Variants in C1QTNF7 observed in about 807,000 individuals in gnomAD.
The protein encoded by C1QTNF7 is C1q and TNF related 7, also known as complement C1q tumor necrosis factor-related protein 7.
Under a neutral mutation model 19.6 loss-of-function variants are expected in C1QTNF7, and 15 were observed. The observed-to-expected ratio is 0.76, with a 90% CI of 0.51 to 1.18. The LOEUF (loss-of-function observed/expected upper bound fraction) is 1.18. C1QTNF7 is among the 50% of genes most tolerant of loss of function. The pLI is 0.00. For synonymous variants in C1QTNF7, 142 were observed against 137.5 expected (o/e 1.03, Z -0.23); for missense variants, 324 against 359.7 (o/e 0.90, Z 0.80).
intron 1 of C1QTNF7, chr4:15,374,080 C>T (rs1484106636): frequency 6.6e-6 from 1 of 152,138 alleles, no homozygotes; most frequent in African/African-American, 2.4e-5. Flanking sequence ...CTTAAAAGAT[C>T]GAGAGTCAGA....
At chr4:15,395,796 G>A (rs1718759665) in intron 1 of C1QTNF7, among the ~76,000 whole-genome samples, 1 of 152,118 alleles carries the variant, frequency 6.6e-6, no homozygotes, top group African/African-American at 2.4e-5. Flanking sequence ...ACACATATTA[G>A]TATCACCATT....
chr4:15,359,210 A>G (rs535251329), intron 1 of C1QTNF7, among the ~76,000 whole-genome samples: 1 of 152,040 alleles, frequency 6.6e-6, no homozygotes, highest in East Asian at 1.9e-4. Context: ...GCTCTCACCA[A>G]CCAGTATCCT....
intron 1 of C1QTNF7, among the ~76,000 whole-genome samples, chr4:15,386,540 T>C (rs1450060301): frequency 2.6e-5 from 4 of 151,978 alleles, no homozygotes; most frequent in Non-Finnish European, 5.9e-5. Context: ...TAGATGACCA[T>C]ACAAGTCATG....
chr4:15,421,215 C>G (rs538210025), intron 1 of C1QTNF7, among the ~76,000 whole-genome samples: 1 of 152,010 alleles, frequency 6.6e-6, no homozygotes, highest in Non-Finnish European at 1.5e-5. Context: ...GCTTTTTCTA[C>G]TAAATAATAA....
chr4:15,379,391 T>A (rs561567228), intron 1 of C1QTNF7, among the ~76,000 whole-genome samples: 1 of 152,352 alleles, frequency 6.6e-6, no homozygotes, highest in East Asian at 1.9e-4. Context: ...CACTTACTTT[T>A]ATGACAAATA....
At chr4:15,432,693 C>A (rs759560149) in intron 1 of C1QTNF7, among the ~76,000 whole-genome samples, 3 of 152,204 alleles carry the variant, frequency 2.0e-5, no homozygotes, top group African/African-American at 7.2e-5. Context: ...TCGTGCCCAG[C>A]CTGTTCCTCA....
At chr4:15,356,845 A>C (rs1717162031) in intron 1 of C1QTNF7, among the ~76,000 whole-genome samples, 1 of 151,692 alleles carries the variant, frequency 6.6e-6, no homozygotes, top group Non-Finnish European at 1.5e-5. Flanking sequence ...TTCTCTAATA[A>C]CCAGTGATGA....
intron 1 of C1QTNF7, among the ~76,000 whole-genome samples, chr4:15,350,357 A>AAGGAGGGAGGGAG (rs1716893077): frequency 2.1e-5 from 1 of 48,682 alleles, no homozygotes; most frequent in African/African-American, 1.4e-4. Flanking sequence ...GGAGGGAGGG[A>AAGGAGGGAGGGAG]GGAAGGAAAA....
chr4:15,424,744 G>T (rs985604182), upstream of C1QTNF7, among the ~76,000 whole-genome samples: 1 of 152,080 alleles, frequency 6.6e-6, no homozygotes, highest in African/African-American at 2.4e-5. Context: ...TGAATTTCTA[G>T]CTTTCTTTTA....
At chr4:15,425,300 G>A (rs1161406501), upstream of C1QTNF7, among the ~76,000 whole-genome samples, 1 of 152,146 alleles carries the variant, frequency 6.6e-6, no homozygotes, top group Admixed American at 6.5e-5. Flanking sequence ...TAAAGTGCAT[G>A]GCAGATCCAA....
At chr4:15,406,363 G>C (rs1340156405) in intron 1 of C1QTNF7, among the ~76,000 whole-genome samples, 1 of 152,182 alleles carries the variant, frequency 6.6e-6, no homozygotes, top group Non-Finnish European at 1.5e-5. Context: ...GGGATAACAG[G>C]CTAAGGGTAG....
intron 1 of C1QTNF7, among the ~76,000 whole-genome samples, chr4:15,344,092 A>C (rs1399401698): frequency 6.6e-6 from 1 of 152,218 alleles, no homozygotes; most frequent in Non-Finnish European, 1.5e-5. Flanking sequence ...ATATGAGCAA[A>C]AACACAGGAG....
intron 1 of C1QTNF7, among the ~76,000 whole-genome samples, chr4:15,351,019 G>C (rs1716917542): frequency 6.6e-6 from 1 of 152,130 alleles, no homozygotes. Context: ...ATGCCCTTGG[G>C]CAACTTCTCA....
At chr4:15,381,046 A>G (rs1718122824) in intron 1 of C1QTNF7, among the ~76,000 whole-genome samples, 1 of 152,232 alleles carries the variant, frequency 6.6e-6, no homozygotes, top group African/African-American at 2.4e-5. Context: ...CCTATTTCTG[A>G]AAACAATAAA....
chr4:15,434,950 C>G lies in C1QTNF7; in HGVS notation c.-8-786C>G, dbSNP rs534765619. The stretch of plus-strand genomic sequence containing the variant: ...GACATGCACAGTACCCCAATTAACA[C>G]TAATTGGCATTATACATGATTACCA... On this transcript the variant is annotated intron_variant, in intron 1 of 2. Coordinates refer to ENST00000444304, the MANE Select transcript of C1QTNF7 (RefSeq NM_031911.5). Among the ~76,000 whole-genome samples, 36 of 152,176 alleles carry G rather than the reference C, an allele frequency of 2.4e-4. 1 individual carries two copies. The highest frequency in any genetic ancestry group is 1.3e-4 in the Admixed American group (2 of 15,284).
At chr4:15,398,779 G>C (rs905306412) in intron 1 of C1QTNF7, among the ~76,000 whole-genome samples, 1 of 152,222 alleles carries the variant, frequency 6.6e-6, no homozygotes, top group African/African-American at 2.4e-5. Flanking sequence ...AGGAGTGAAA[G>C]TTTATTAAAA....
chr4:15,393,832 C>T (rs1414338877), intron 1 of C1QTNF7, among the ~76,000 whole-genome samples: 2 of 152,200 alleles, frequency 1.3e-5, no homozygotes, highest in Non-Finnish European at 2.9e-5. Context: ...GTGCTGGGCC[C>T]TTTCTGGATA....
chr4:15,442,039 T>G, intron 2 of C1QTNF7, 129 bp from the exon 3 acceptor site: 1 of 939,348 alleles, frequency 1.1e-6, no homozygotes, highest in Non-Finnish European at 1.5e-6. Context: ...AAAAGTTTAT[T>G]ATTTAGTAGT....
chr4:15,402,143 G>C (rs1719017205), intron 1 of C1QTNF7, among the ~76,000 whole-genome samples: 1 of 152,228 alleles, frequency 6.6e-6, no homozygotes, highest in Admixed American at 6.5e-5. Flanking sequence ...TTAGAGAACA[G>C]ATATCACAAG....
Sources: gnomAD v4.1 joint callset for allele counts (sites outside exome capture counted in the v4.1 genomes callset) on GRCh38, gnomAD v4.1.1 for gene constraint, MANE v1.5 for transcripts, NCBI Gene and HGNC (gene_info 2026-07-23, HGNC 2026-07-21) for gene names.